The following LMX1A variants were observed in gnomAD, a reference collection of about 807,000 sequenced individuals.
The protein encoded by LMX1A is LIM homeobox transcription factor 1-alpha.
A neutral mutation model predicts 49.1 loss-of-function variants in LMX1A; 15 were observed. The observed-to-expected ratio is 0.31, with a 90% CI of 0.20 to 0.47. The LOEUF (loss-of-function observed/expected upper bound fraction) is 0.47. Ranked by LOEUF, LMX1A falls within the 20% of genes least tolerant of loss-of-function variation. LMX1A has a pLI of 1.00. For missense variants in LMX1A, 372 were observed against 475.8 expected (o/e 0.78, Z 2.03); for synonymous variants, 167 against 185.7 (o/e 0.90, Z 0.82).
chr1:165,315,974 T>C (rs1368026500), intron 3 of LMX1A, among the ~76,000 whole-genome samples: 1 of 152,186 alleles, frequency 6.6e-6, no homozygotes, highest in African/African-American at 2.4e-5. Flanking sequence ...GATCCTGTCA[T>C]GGGAGGCAGA....
Position 165,355,339 on chromosome 1 carries a change from G to A in LMX1A, c.76+145C>T, listed in dbSNP as rs1656571352. The A allele has an allele frequency of 2.7e-6, 2 of 740,542 alleles. No homozygotes were observed. The highest frequency in any genetic ancestry group is 4.5e-6 in the Non-Finnish European group (2 of 443,744). The allele number at this position is 740,542 out of a possible 1,614,324, so 45.9% of individuals were successfully genotyped here. ...GTAGGGACGACCCACAAGCACTGACGGACAGATAGTGATGGGGCTCAATTT... is the reference window on the plus strand; with the variant it reads ...GTAGGGACGACCCACAAGCACTGACAGACAGATAGTGATGGGGCTCAATTT... On this transcript the variant is annotated intron_variant, in intron 2 of 8. Coordinates refer to ENST00000342310, the MANE Select transcript of LMX1A (RefSeq NM_177398.4). The surrounding 1 kb of genome is among the most constrained non-coding windows in gnomAD (Gnocchi z 4.7).
intron 8 of LMX1A, among the ~76,000 whole-genome samples, chr1:165,204,450 C>T (rs915966719): frequency 5.3e-5 from 8 of 152,178 alleles, no homozygotes; most frequent in African/African-American, 9.7e-5. Flanking sequence ...CTAATGAAAA[C>T]TCCTGTGATA....
chr1:165,212,177 C>A (rs1651430161), intron 5 of LMX1A, among the ~76,000 whole-genome samples: 1 of 152,266 alleles, frequency 6.6e-6, no homozygotes, highest in South Asian at 2.1e-4. Flanking sequence ...TATTGCTCAA[C>A]AAATATCTAT....
intron 3 of LMX1A, among the ~76,000 whole-genome samples, chr1:165,272,417 C>A (rs542555504): frequency 1.3e-5 from 2 of 152,304 alleles, no homozygotes; most frequent in Admixed American, 1.3e-4. Context: ...GAAAGCAGGG[C>A]AAAGTAAGGG....
At chr1:165,252,264 T>C (rs12726086) in intron 3 of LMX1A, among the ~76,000 whole-genome samples, 16,045 of 152,224 alleles carry the variant, frequency 0.11, 1,087 homozygotes, top group Admixed American at 0.14. Context: ...TGAAATAACA[T>C]AATATATATA....
At chr1:165,208,906 C>T (rs1557848104) in intron 6 of LMX1A, among the ~76,000 whole-genome samples, 1 of 152,194 alleles carries the variant, frequency 6.6e-6, no homozygotes, top group African/African-American at 2.4e-5. Flanking sequence ...CTCGGCCTCC[C>T]AGAGGGCTGG....
intron 6 of LMX1A, among the ~76,000 whole-genome samples, chr1:165,209,947 A>G (rs1310177408): frequency 6.6e-6 from 1 of 152,204 alleles, no homozygotes; most frequent in Non-Finnish European, 1.5e-5. Flanking sequence ...CCAGGTAGAG[A>G]GTGTCAGAAT....
At chr1:165,260,582 T>C (rs1653403728) in intron 3 of LMX1A, among the ~76,000 whole-genome samples, 1 of 152,202 alleles carries the variant, frequency 6.6e-6, no homozygotes, top group Non-Finnish European at 1.5e-5. Flanking sequence ...ATCAACTGTT[T>C]CCAGCAGCAC....
Position 165,208,069 on chromosome 1 carries a change from T to A in LMX1A, c.811A>T (p.Ser271Cys). Residue 271 changes from serine to cysteine, a missense_variant, in exon 7 of 9, where the codon AGC becomes TGC. This residue lies in a region of LMX1A where 46 missense variants were observed against 93.8 expected (regional missense o/e 0.49). Coordinates refer to ENST00000342310, the MANE Select transcript of LMX1A (RefSeq NM_177398.4). Reference protein sequence around the residue: ...QQDQQNTQRLSSAQTNGGGSA... With the variant: ...QQDQQNTQRLCSAQTNGGGSA... ...GGAGGAGGCACCAGCTTACCAGAGC[T>A]CAGCCTCTGGGTGTTCTGCTGATCT... is the stretch of plus-strand genomic sequence containing the variant. The A allele has an allele frequency of 2.5e-6, 4 of 1,613,836 alleles. No individual in the cohort carries two copies. The highest frequency in any genetic ancestry group is 3.4e-6 in the Non-Finnish European group (4 of 1,179,922).
intron 3 of LMX1A, among the ~76,000 whole-genome samples, chr1:165,281,104 T>C (rs1206503476): frequency 1.3e-5 from 2 of 152,168 alleles, no homozygotes; most frequent in Admixed American, 1.3e-4. Flanking sequence ...CAAGATTCTG[T>C]GTTAGGAACC....
intron 3 of LMX1A, among the ~76,000 whole-genome samples, chr1:165,272,816 C>A (rs139859738): frequency 6.6e-6 from 1 of 152,226 alleles, no homozygotes; most frequent in African/African-American, 2.4e-5. Context: ...GGGGGTAAAC[C>A]TGTGGCTAAC....
At chr1:165,204,616 C>T (rs903946343) in intron 8 of LMX1A, among the ~76,000 whole-genome samples, 7 of 152,202 alleles carry the variant, frequency 4.6e-5, no homozygotes, top group Non-Finnish European at 8.8e-5. Flanking sequence ...GAAATCACTG[C>T]AACCAGGATC....
intron 4 of LMX1A, among the ~76,000 whole-genome samples, chr1:165,223,493 G>C (rs1167987572): frequency 6.6e-6 from 1 of 152,204 alleles, no homozygotes; most frequent in African/African-American, 2.4e-5. Flanking sequence ...AGTAGGAGAA[G>C]ATGGTGAATA....
chr1:165,216,852 C>T (rs1304547546), intron 4 of LMX1A, among the ~76,000 whole-genome samples: 2 of 152,100 alleles, frequency 1.3e-5, no homozygotes, highest in Non-Finnish European at 2.9e-5. Context: ...AATTCTAGCT[C>T]TGCCAGTTAC....
intron 4 of LMX1A, among the ~76,000 whole-genome samples, chr1:165,242,649 G>T (rs1282906446): frequency 6.6e-6 from 1 of 151,508 alleles, no homozygotes; most frequent in Non-Finnish European, 1.5e-5. Context: ...GGCTGAGGCG[G>T]GCAGATCATG....
intron 6 of LMX1A, among the ~76,000 whole-genome samples, chr1:165,208,692 G>A (rs911024937): frequency 1.8e-5 from 2 of 114,190 alleles, no homozygotes; most frequent in African/African-American, 8.3e-5. Context: ...AGGCTGGAGT[G>A]CTGGAGTGCA....
chr1:165,262,887 C>T (rs1180669301), intron 3 of LMX1A, among the ~76,000 whole-genome samples: 1 of 152,098 alleles, frequency 6.6e-6, no homozygotes, highest in Non-Finnish European at 1.5e-5. Context: ...CCAATCCAAT[C>T]AGGTACTTAT....
chr1:165,278,748 A>G (rs1654046186), intron 3 of LMX1A, among the ~76,000 whole-genome samples: 1 of 152,228 alleles, frequency 6.6e-6, no homozygotes, highest in African/African-American at 2.4e-5. Flanking sequence ...AAGGCCTCAG[A>G]CACAGCACAA....
At chr1:165,275,582 A>G (rs1476236051) in intron 3 of LMX1A, among the ~76,000 whole-genome samples, 1 of 152,136 alleles carries the variant, frequency 6.6e-6, no homozygotes, top group Non-Finnish European at 1.5e-5. Flanking sequence ...GTTGCCCCCC[A>G]TCATATCCAG....
Sources: allele counts gnomAD v4.1 joint callset (sites outside exome capture counted in the v4.1 genomes callset), GRCh38; gene constraint gnomAD v4.1.1; regional missense constraint gnomAD v4.1.1; non-coding constraint Gnocchi (gnomAD v3.1); transcripts MANE v1.5; gene names NCBI Gene and HGNC (gene_info 2026-07-23, HGNC 2026-07-21).